Variants in GTF2A1L observed in about 807,000 individuals in gnomAD.
GTF2A1L encodes TFIIA-alpha and beta-like factor.
A neutral mutation model predicts 49.7 loss-of-function variants in GTF2A1L; 48 were observed. The observed-to-expected ratio is 0.97, with a 90% CI of 0.77 to 1.23. The LOEUF is 1.23. GTF2A1L is among the 50% of genes most tolerant of loss of function. The pLI is 0.00. For synonymous variants in GTF2A1L, 246 were observed against 193.5 expected (o/e 1.27, Z -2.25); for missense variants, 736 against 564.8 (o/e 1.30, Z -3.07).
chr2:48,660,562 A>G (rs1185496866), intron 6 of GTF2A1L, among the ~76,000 whole-genome samples: 2 of 151,910 alleles, frequency 1.3e-5, no homozygotes, highest in East Asian at 1.9e-4. Flanking sequence ...TTGTGGTGTA[A>G]GTGTTCATAG....
chr2:48,669,906 C>T lies in GTF2A1L; in HGVS notation c.1163C>T (p.Ala388Val), dbSNP rs146639510. Reference protein sequence around the residue: ...GGDLKVPEEEADSISNEDSAT... With the variant: ...GGDLKVPEEEVDSISNEDSAT... ...GATCTGAAGGTACCTGAAGAAGAAGCTGACAGTATTTCAAATGAGGATTCA... is the reference window on the plus strand; with the variant it reads ...GATCTGAAGGTACCTGAAGAAGAAGTTGACAGTATTTCAAATGAGGATTCA... Residue 388 changes from alanine (A) to valine (V), a missense_variant, in exon 7 of 9, where the codon GCT (alanine) becomes GTT (valine). Physicochemically the swap from Ala to Val is moderately conservative, Grantham distance 64. Transcript: ENST00000403751. 17 of 1,614,008 alleles carry T rather than the reference C, an allele frequency of 1.1e-5. No individual in the cohort carries two copies. The Middle Eastern group carries it at 1.8e-3, about 172-fold the overall frequency.
At chr2:48,673,327 T>A (rs911107581) in intron 8 of GTF2A1L, among the ~76,000 whole-genome samples, 5 of 151,676 alleles carry the variant, frequency 3.3e-5, no homozygotes, top group Admixed American at 2.0e-4. Flanking sequence ...CATTCAAATT[T>A]ATTTTAACGT....
chr2:48,655,087 G>C (rs959900447), intron 6 of GTF2A1L, among the ~76,000 whole-genome samples: 6 of 151,928 alleles, frequency 3.9e-5, no homozygotes, highest in Admixed American at 3.9e-4. Flanking sequence ...TCAGTAAGGG[G>C]AATTGACGTC....
At chr2:48,665,658 G>A (rs1299668293) in intron 6 of GTF2A1L, among the ~76,000 whole-genome samples, 2 of 152,066 alleles carry the variant, frequency 1.3e-5, no homozygotes, top group Non-Finnish European at 2.9e-5. Flanking sequence ...GGTTTCTAGT[G>A]TAATTCTTTT....
chr2:48,646,910 C>T lies in GTF2A1L; in HGVS notation c.846C>T (p.Ser282=), dbSNP rs751067022. The T allele has an allele frequency of 3.7e-6, 6 of 1,614,060 alleles. No individual in the cohort carries two copies. The highest frequency in any genetic ancestry group is 4.2e-6 in the Non-Finnish European group (5 of 1,180,038). Residue 282 remains serine (S), a synonymous_variant, in exon 6 of 9, where the codon AGC becomes AGT. Coordinates refer to ENST00000403751, the MANE Select transcript of GTF2A1L (RefSeq NM_006872.5). ...TGCATGATGAGTCCCTCTCCACAAG[C>T]CCTCATGGGGCTCTCCACCAGCACG... ...QNLHDESLST[S]PHGALHQHVT... is the part of the protein sequence containing the mutation.
chr2:48,669,843 C>T lies in GTF2A1L; in HGVS notation c.1100C>T (p.Ala367Val), dbSNP rs762790690. 1.5e-5 allele frequency: 25 copies of T among 1,613,818 alleles called. No individual in the cohort carries two copies. The highest frequency in any genetic ancestry group is 1.3e-4 in the South Asian group (12 of 91,082). The change falls in exon 7 of 9, where the codon GCA becomes GTA. Residue 367 changes from alanine (A) to valine (V), a missense_variant. By Grantham distance (64) the Ala-to-Val change is moderately conservative. Transcript: ENST00000403751. ...GAAGAAATAGGAAGTACAAGAGATGCAGATGAGAATGAATTTCTAGGGAAT... is the reference window on the plus strand; with the variant it reads ...GAAGAAATAGGAAGTACAAGAGATGTAGATGAGAATGAATTTCTAGGGAAT... Reference protein sequence around the residue: ...SNEEIGSTRDADENEFLGNID... With the variant: ...SNEEIGSTRDVDENEFLGNID...
intron 1 of GTF2A1L, chr2:48,618,232 T>C (rs1572685189): frequency 1.0e-5 from 3 of 301,364 alleles, no homozygotes; most frequent in East Asian, 1.2e-4. Context: ...AGTTCGGTTG[T>C]GTTAATTTTA....
At position 48,641,943 on chromosome 2, in the gene GTF2A1L, A is replaced by C. The variant is rs1677219765; in HGVS notation, c.248-459A>C. Among the ~76,000 whole-genome samples the C allele has an allele frequency of 3.3e-5, 5 of 152,216 alleles. No individual in the cohort carries two copies. In the South Asian group the frequency reaches 1.0e-3, roughly 31 times the overall value. On this transcript the variant is annotated intron_variant, in intron 3 of 8. Coordinates refer to ENST00000403751, the MANE Select transcript of GTF2A1L (RefSeq NM_006872.5). ...TAAAACTGTTCAGGTGTGCTTGCTT[A>C]CTTGACCAAAGTACTGTAAATAACT...
intron 6 of GTF2A1L, among the ~76,000 whole-genome samples, chr2:48,665,841 G>T (rs1558764288): frequency 6.6e-6 from 1 of 151,904 alleles, no homozygotes; most frequent in Non-Finnish European, 1.5e-5. Flanking sequence ...CATTGTCCAG[G>T]GTTTCCATAT....
At chr2:48,619,340 C>G (rs1056829933) in intron 1 of GTF2A1L, among the ~76,000 whole-genome samples, 2 of 151,814 alleles carry the variant, frequency 1.3e-5, no homozygotes, top group Non-Finnish European at 2.9e-5. Flanking sequence ...TGAGGTCGTG[C>G]ACGCCTGTAG....
Position 48,621,401 on chromosome 2 carries a change from A to T in GTF2A1L, c.247+111A>T, listed in dbSNP as rs1391094737. 4.2e-6 allele frequency: 6 copies of T among 1,423,816 alleles called. No individual in the cohort carries two copies. The African/African-American group carries it at 7.2e-5, about 17-fold the overall frequency. The allele number at this position is 1,423,816 out of a possible 1,614,324, so 88.2% of individuals were successfully genotyped here. On this transcript the variant is annotated intron_variant, in intron 3 of 8. Transcript: ENST00000403751. ...GTTCTTAGGGTGAGAAGGCTTGGAC[A>T]CCTAAATCATTTCTATTAAATGAAC...
chr2:48,642,442 T>C lies in GTF2A1L; in HGVS notation c.288T>C (p.Phe96=). Residue 96 remains phenylalanine (F), a synonymous_variant, in exon 4 of 9, where the codon TTT becomes TTC. Transcript: ENST00000403751. ...CTGCTGGTAGAACTCTTCCAAGTTTTACCACAGCAGAACTGGTATGTAGCT... is the reference window on the plus strand; with the variant it reads ...CTGCTGGTAGAACTCTTCCAAGTTTCACCACAGCAGAACTGGTATGTAGCT... The part of the protein sequence containing the change: ...VIPAGRTLPS[F]TTAELGTSNS... 1 of 1,593,586 alleles carries C rather than the reference T, an allele frequency of 6.3e-7. No homozygotes were observed. The highest frequency in any genetic ancestry group is 8.6e-7 in the Non-Finnish European group (1 of 1,166,554).
intron 1 of GTF2A1L, among the ~76,000 whole-genome samples, chr2:48,618,701 T>C (rs1675801554): frequency 1.3e-5 from 2 of 152,254 alleles, no homozygotes; most frequent in Admixed American, 1.3e-4. Flanking sequence ...ATACCTATAC[T>C]CTGCCTGAAT....
At chr2:48,642,066 C>T (rs545664352) in intron 3 of GTF2A1L, among the ~76,000 whole-genome samples, 85 of 152,194 alleles carry the variant, frequency 5.6e-4, no homozygotes, top group Middle Eastern at 6.8e-3. Context: ...TATAGTCTCA[C>T]GGAAATGTGC....
intron 4 of GTF2A1L, among the ~76,000 whole-genome samples, chr2:48,644,651 A>G (rs1377044019): frequency 6.6e-6 from 1 of 152,188 alleles, no homozygotes; most frequent in African/African-American, 2.4e-5. Context: ...CATTCATACA[A>G]ACAGTAGTTT....
At chr2:48,627,892 G>T (rs911914668) in intron 3 of GTF2A1L, among the ~76,000 whole-genome samples, 3 of 143,084 alleles carry the variant, frequency 2.1e-5, no homozygotes, top group African/African-American at 7.5e-5. Flanking sequence ...CATCCCTCTA[G>T]TAGTACCCAT....
At chr2:48,639,738 G>T (rs563263363) in intron 3 of GTF2A1L, among the ~76,000 whole-genome samples, 3 of 152,246 alleles carry the variant, frequency 2.0e-5, no homozygotes, top group East Asian at 3.9e-4. Flanking sequence ...CACAGTGAAA[G>T]AAACTATCAA....
chr2:48,678,514 T>C (rs763509167), intron 8 of GTF2A1L, among the ~76,000 whole-genome samples: 2 of 152,108 alleles, frequency 1.3e-5, no homozygotes, highest in Admixed American at 6.6e-5. Flanking sequence ...GTTTAAATTT[T>C]ACTCTTGATC....
At chr2:48,654,287 A>G (rs1032812215) in intron 6 of GTF2A1L, among the ~76,000 whole-genome samples, 2 of 152,170 alleles carry the variant, frequency 1.3e-5, no homozygotes, top group Non-Finnish European at 2.9e-5. Context: ...TGTCTTATCA[A>G]AGGCTGCAAA....
Sources: gnomAD v4.1 joint callset for allele counts (sites outside exome capture counted in the v4.1 genomes callset) on GRCh38, gnomAD v4.1.1 for gene constraint, MANE v1.5 for transcripts, NCBI Gene and HGNC (gene_info 2026-07-23, HGNC 2026-07-21) for gene names.